Variants in ZBTB7A observed in about 807,000 individuals in gnomAD.
ZBTB7A encodes the protein zinc finger and BTB domain-containing protein 7A.
A neutral mutation model predicts 26.7 loss-of-function variants in ZBTB7A; 7 were observed. That is an observed-to-expected ratio of 0.26 (90% CI 0.15 to 0.49). The LOEUF (loss-of-function observed/expected upper bound fraction) is 0.49. Among genes scored for constraint, ZBTB7A ranks in the 20% least tolerant of loss-of-function variants. The probability of loss-of-function intolerance (pLI) is 0.98; values close to 1 mark genes in which losing one functional copy is unlikely to be tolerated. For missense variants in ZBTB7A, 617 were observed against 919.5 expected (o/e 0.67, Z 4.25); for synonymous variants, 452 against 441.0 (o/e 1.02, Z -0.31).
chr19:4,062,633 C>T (rs1190594252), intron 1 of ZBTB7A: 3 of 152,250 alleles, frequency 2.0e-5, no homozygotes, highest in Non-Finnish European at 2.9e-5. Flanking sequence ...CGGATACCAG[C>T]AGGAGATGAA....
Position 4,048,380 on chromosome 19 carries a change from G to T in ZBTB7A, c.1263-136C>A. 1 of 1,245,532 alleles carries T rather than the reference G, an allele frequency of 8.0e-7. No homozygotes were observed. Among genetic ancestry groups the T allele is most frequent in the Non-Finnish European group, 1.0e-6 (1 of 957,330 alleles). The allele number at this position is 1,245,532 out of a possible 1,614,324, so 77.2% of individuals were successfully genotyped here. A position where few individuals can be genotyped will look rare whatever the true frequency, so the allele number is the denominator to read the frequency against. On this transcript the variant is annotated intron_variant, in intron 2 of 2. Coordinates refer to ENST00000322357, the MANE Select transcript of ZBTB7A (RefSeq NM_015898.4). This position sits in a 1 kb window ranked among gnomAD's most constrained non-coding sequence, Gnocchi z 6.7. ...CGGACCGTGCACCAGAGGTTTCGGT[G>T]CCCCGATGGGGACGGTCCCTCGAAA...
At chr19:4,064,644 T>C (rs889633800) in intron 1 of ZBTB7A, among the ~76,000 whole-genome samples, 2 of 152,094 alleles carry the variant, frequency 1.3e-5, no homozygotes, top group Non-Finnish European at 2.9e-5. Flanking sequence ...AGTTCTGAGG[T>C]TGGGGCGGGG....
intron 2 of ZBTB7A, among the ~76,000 whole-genome samples, chr19:4,053,020 C>T (rs2040520505): frequency 6.6e-6 from 1 of 152,220 alleles, no homozygotes; most frequent in East Asian, 1.9e-4. Flanking sequence ...CCCAGGCTCA[C>T]GGGAAACTCA....
intron 2 of ZBTB7A, among the ~76,000 whole-genome samples, chr19:4,051,683 G>A (rs1449912981): frequency 1.3e-5 from 2 of 152,238 alleles, no homozygotes. Flanking sequence ...CAAAGCCCAC[G>A]GCAAGGTCTC....
rs1241007788 is a variant in ZBTB7A, at chr19:4,054,259, G to A, written c.974C>T (p.Ser325Leu). The A allele has an allele frequency of 1.9e-6, 3 of 1,574,012 alleles. No individual in the cohort carries two copies. Among genetic ancestry groups the A allele is most frequent in the East Asian group, 2.3e-5 (1 of 43,790 alleles). ...AASTLLQQMM[S>L]SVGRAGAAAG... Reference sequence around the variant, plus strand: ...CGCGGCCCCCGCCCGGCCCACCGATGACATCATCTGCTGCAGCAGCGTGCT... The same window carrying A: ...CGCGGCCCCCGCCCGGCCCACCGATAACATCATCTGCTGCAGCAGCGTGCT... Residue 325 changes from serine (S) to leucine (L), a missense_variant, in exon 2 of 3, where the codon TCA becomes TTA. Around this residue, in one of 5 missense-constraint regions of ZBTB7A, gnomAD observed 331 missense variants for 391.3 expected, o/e 0.85. Coordinates refer to ENST00000322357, the MANE Select transcript of ZBTB7A (RefSeq NM_015898.4).
At chr19:4,063,079 C>CAGG in intron 1 of ZBTB7A, among the ~76,000 whole-genome samples, 1 of 152,128 alleles carries the variant, frequency 6.6e-6, no homozygotes, top group Non-Finnish European at 1.5e-5. Context: ...AGTTTATGGT[C>CAGG]TGGCAGGTGA....
chr19:4,047,482 C>T lies in ZBTB7A; in HGVS notation c.*270G>A. The T allele has an allele frequency of 4.8e-6, 1 of 206,764 alleles. No homozygotes were observed. The highest frequency in any genetic ancestry group is 9.5e-6 in the Non-Finnish European group (1 of 105,462). The allele number at this position is 206,764 out of a possible 1,614,324, so 12.8% of individuals were successfully genotyped here. ...AAACCCCAAACCAAGCCCCGAAACC[C>T]AGCGATGGGGTGGTGGGGGGAAGGG... On this transcript the variant is annotated 3_prime_UTR_variant, in exon 3 of 3. Transcript: ENST00000322357.
At position 4,046,151 on chromosome 19, in the gene ZBTB7A, CA is replaced by C; in HGVS notation, c.*1600del. ...CGCTAAGACCTCTTCACGTCAGAAC[CA>C]AAAAAGGGGACAGAAAGGGGGAGCG... On this transcript the variant is annotated 3_prime_UTR_variant, in exon 3 of 3. Transcript: ENST00000322357. 2 of 397,150 alleles carry C rather than the reference CA, an allele frequency of 5.0e-6. No homozygotes were observed. Among genetic ancestry groups the C allele is most frequent in the Non-Finnish European group, 8.9e-6 (2 of 225,396 alleles). The allele number at this position is 397,150 out of a possible 1,614,324, so 24.6% of individuals were successfully genotyped here. A position where few individuals can be genotyped will look rare whatever the true frequency, so the allele number is the denominator to read the frequency against.
chr19:4,057,768 C>A (rs1340691365), intron 1 of ZBTB7A, among the ~76,000 whole-genome samples: 1 of 138,530 alleles, frequency 7.2e-6, no homozygotes, highest in Non-Finnish European at 1.5e-5. Flanking sequence ...GGTGACAGAG[C>A]GAGACTCGTC....
intron 1 of ZBTB7A, among the ~76,000 whole-genome samples, chr19:4,058,396 C>T (rs565715379): frequency 4.3e-4 from 65 of 152,290 alleles, no homozygotes; most frequent in Non-Finnish European, 8.1e-4. Flanking sequence ...CGGGCAGCGC[C>T]GGGCCCTGGG....
intron 1 of ZBTB7A, among the ~76,000 whole-genome samples, chr19:4,064,988 T>TG (rs1191087120): frequency 1.3e-5 from 2 of 151,194 alleles, no homozygotes; most frequent in African/African-American, 2.4e-5. Context: ...GCCCGGTCCC[T>TG]GGGGGGGCAC....
chr19:4,046,865 C>T lies in ZBTB7A; in HGVS notation c.*887G>A, dbSNP rs961298078. The stretch of plus-strand genomic sequence containing the variant: ...CTTTAAAAATTTGGGAGAGGGGGCT[C>T]GGGGGAGAGGACGAAGACAGAAGTT... On this transcript the variant is annotated 3_prime_UTR_variant, in exon 3 of 3. Coordinates refer to ENST00000322357, the MANE Select transcript of ZBTB7A (RefSeq NM_015898.4). The T allele has an allele frequency of 3.6e-5, 4 of 109,864 alleles. No individual in the cohort carries two copies. The highest frequency in any genetic ancestry group is 1.4e-4 in the African/African-American group (4 of 28,452). The allele number at this position is 109,864 out of a possible 1,614,324, so 6.8% of individuals were successfully genotyped here.
chr19:4,055,336 C>A, intron 1 of ZBTB7A, 89 bp from the exon 2 acceptor site: 1 of 1,416,872 alleles, frequency 7.1e-7, no homozygotes, highest in Non-Finnish European at 9.2e-7. Flanking sequence ...CCTTGAGAAG[C>A]AGCGTTCCAC....
At chr19:4,053,686 CGTGTGTGCGTCTGT>C (rs1270197890) in intron 2 of ZBTB7A, among the ~76,000 whole-genome samples, 1 of 149,484 alleles carries the variant, frequency 6.7e-6, no homozygotes, top group Admixed American at 6.7e-5. Context: ...TGTGCGTGTG[CGTGTGTGCGTCTGT>C]GTGTGTGCAT....
At chr19:4,057,781 CAAA>C (rs55908345) in intron 1 of ZBTB7A, among the ~76,000 whole-genome samples, 1 of 84,280 alleles carries the variant, frequency 1.2e-5, no homozygotes, top group African/African-American at 4.0e-5. Flanking sequence ...GACTCGTCTC[CAAA>C]AAAAAAAAAA....
chr19:4,066,354 C>T (rs2040696029), intron 1 of ZBTB7A, among the ~76,000 whole-genome samples: 1 of 150,842 alleles, frequency 6.6e-6, no homozygotes, highest in Admixed American at 6.6e-5. Flanking sequence ...TCCCCCCACC[C>T]TCAATGCAGC....
At chr19:4,049,168 G>GTGTGTATATATATA (rs1403864466) in intron 2 of ZBTB7A, among the ~76,000 whole-genome samples, 1 of 14,954 alleles carries the variant, frequency 6.7e-5, no homozygotes, top group Non-Finnish European at 1.2e-4. Flanking sequence ...GTGTGTGTGT[G>GTGTGTATATATATA]TATATATATA....
chr19:4,064,802 G>T (rs980649755), intron 1 of ZBTB7A, among the ~76,000 whole-genome samples: 9 of 152,158 alleles, frequency 5.9e-5, no homozygotes, highest in African/African-American at 1.2e-4. Context: ...CCGCCTGACT[G>T]GGGGGAGAGG....
chr19:4,066,220 C>T (rs2040694869), intron 1 of ZBTB7A, among the ~76,000 whole-genome samples: 1 of 130,564 alleles, frequency 7.7e-6, no homozygotes, highest in Non-Finnish European at 1.6e-5. Flanking sequence ...CCCCATGGAG[C>T]TCAATCCTGG....
Sources: allele counts gnomAD v4.1 joint callset (sites outside exome capture counted in the v4.1 genomes callset), GRCh38; gene constraint gnomAD v4.1.1; regional missense constraint gnomAD v4.1.1; non-coding constraint Gnocchi (gnomAD v3.1); transcripts MANE v1.5; gene names NCBI Gene and HGNC (gene_info 2026-07-23, HGNC 2026-07-21).